Variants in PRIM2 observed in about 807,000 individuals in gnomAD.
The protein encoded by PRIM2 is DNA primase large subunit.
A neutral mutation model predicts 67.3 loss-of-function variants in PRIM2; 39 were observed. The observed-to-expected ratio is 0.58, with a 90% CI of 0.45 to 0.76. The LOEUF (loss-of-function observed/expected upper bound fraction) is 0.76. Ranked by LOEUF, PRIM2 falls within the 30% of genes least tolerant of loss-of-function variation. PRIM2 has a pLI of 0.00. For synonymous variants in PRIM2, 143 were observed against 198.7 expected (o/e 0.72, Z 2.36); for missense variants, 398 against 598.7 (o/e 0.66, Z 3.50).
intron 5 of PRIM2, among the ~76,000 whole-genome samples, chr6:57,370,379 G>A (rs1769503641): frequency 1.3e-5 from 2 of 152,154 alleles, no homozygotes; most frequent in Non-Finnish European, 2.9e-5. Flanking sequence ...TCAAAATAAT[G>A]AAGTTAATAG....
intron 5 of PRIM2, among the ~76,000 whole-genome samples, chr6:57,368,044 A>T (rs556215198): frequency 6.6e-6 from 1 of 152,222 alleles, no homozygotes; most frequent in East Asian, 1.9e-4. Flanking sequence ...TTATAATCAC[A>T]GTATTTGCTA....
At chr6:57,454,167 T>C in intron 7 of PRIM2, among the ~76,000 whole-genome samples, 1 of 152,226 alleles carries the variant, frequency 6.6e-6, no homozygotes, top group Non-Finnish European at 1.5e-5. Flanking sequence ...AGCTTTTTGA[T>C]GTGCTGCTGG....
chr6:57,269,251 C>G, the PRIM2 span, among the ~76,000 whole-genome samples: 2 of 151,908 alleles, frequency 1.3e-5, no homozygotes, highest in Non-Finnish European at 2.9e-5. Flanking sequence ...GTCCCACCAA[C>G]AGTGTAAAAG....
chr6:57,474,215 C>T (rs1277824856), intron 7 of PRIM2, among the ~76,000 whole-genome samples: 1 of 65,150 alleles, frequency 1.5e-5, no homozygotes, highest in Non-Finnish European at 2.7e-5. Context: ...AGCTCTGTCA[C>T]CCAGGCTGGA....
At chr6:57,402,997 A>G (rs1193608590) in intron 7 of PRIM2, among the ~76,000 whole-genome samples, 6 of 152,088 alleles carry the variant, frequency 3.9e-5, no homozygotes, top group African/African-American at 1.4e-4. Flanking sequence ...CTCCATATGT[A>G]TATGTATGTA....
At chr6:57,634,989 A>T (rs1777095002) in intron 13 of PRIM2, among the ~76,000 whole-genome samples, 1 of 152,186 alleles carries the variant, frequency 6.6e-6, no homozygotes, top group African/African-American at 2.4e-5. Context: ...AATTTAATTT[A>T]AAAATAGAAT....
At chr6:57,545,453 G>A (rs1463374811) in intron 10 of PRIM2, among the ~76,000 whole-genome samples, 1 of 152,020 alleles carries the variant, frequency 6.6e-6, no homozygotes, top group East Asian at 1.9e-4. Flanking sequence ...TTTTTGAGAT[G>A]GAGTTTCGCT....
chr6:57,558,122 G>A (rs1386120526), intron 10 of PRIM2, among the ~76,000 whole-genome samples: 8 of 152,134 alleles, frequency 5.3e-5, no homozygotes, highest in Non-Finnish European at 4.4e-5. Flanking sequence ...CAGCCTCTCT[G>A]GACTTAGTTT....
At chr6:57,605,969 TTATC>T (rs1413656198) in intron 11 of PRIM2, among the ~76,000 whole-genome samples, 1,614 of 152,344 alleles carry the variant, frequency 0.011, 38 homozygotes, top group South Asian at 0.077. Flanking sequence ...TTCATTTTGT[TTATC>T]TATCTTCCTT....
At chr6:57,569,211 G>A (rs1344916775) in intron 10 of PRIM2, among the ~76,000 whole-genome samples, 1,933 of 152,110 alleles carry the variant, frequency 0.013, 38 homozygotes, top group African/African-American at 0.044. Flanking sequence ...TGGGAGGAGC[G>A]GGGATAATGT....
chr6:57,323,867 T>C (rs1477442284), intron 3 of PRIM2, among the ~76,000 whole-genome samples: 3 of 151,120 alleles, frequency 2.0e-5, no homozygotes, highest in African/African-American at 4.9e-5. Flanking sequence ...AGAGTAGGAG[T>C]CTTGAAACCA....
At chr6:57,555,932 T>G (rs1433164651) in intron 10 of PRIM2, among the ~76,000 whole-genome samples, 1 of 152,204 alleles carries the variant, frequency 6.6e-6, no homozygotes, top group African/African-American at 2.4e-5. Flanking sequence ...TGGAAAGAAA[T>G]ATAATTTTCT....
rs547817566 is a variant in PRIM2 at position 57,398,377 on chromosome 6, T to C, written c.693+16209T>C. On this transcript the variant is annotated intron_variant, in intron 7 of 13. Transcript: ENST00000615550. ...TTTGCCCTCATTAGTTTAAAAGAACTTCTTAATTTCTGCCTTAATTTCATT... is the reference window on the plus strand; with the variant it reads ...TTTGCCCTCATTAGTTTAAAAGAACCTCTTAATTTCTGCCTTAATTTCATT... 9.8e-3 allele frequency among the ~76,000 whole-genome samples: 1,499 copies of C among 152,272 alleles called. 26 individuals are homozygous for C. The highest frequency in any genetic ancestry group is 0.034 in the African/African-American group (1,433 of 41,560).
intron 7 of PRIM2, among the ~76,000 whole-genome samples, chr6:57,497,268 G>A: frequency 6.6e-6 from 1 of 152,222 alleles, no homozygotes; most frequent in South Asian, 2.1e-4. Context: ...AGTTTGAGAG[G>A]CCTTGAGGAG....
chr6:57,486,614 A>G (rs1434234481), intron 7 of PRIM2, among the ~76,000 whole-genome samples: 1 of 152,256 alleles, frequency 6.6e-6, no homozygotes, highest in Non-Finnish European at 1.5e-5. Context: ...CACAGTGAAC[A>G]CATTCCTGAT....
At chr6:57,532,012 G>A (rs1444991372) in intron 8 of PRIM2, among the ~76,000 whole-genome samples, 4 of 152,256 alleles carry the variant, frequency 2.6e-5, no homozygotes, top group Admixed American at 2.6e-4. Context: ...CATACAGAGA[G>A]TAACTAAGTA....
intron 9 of PRIM2, among the ~76,000 whole-genome samples, chr6:57,536,969 G>A (rs1208942038): frequency 3.9e-5 from 6 of 152,068 alleles, no homozygotes; most frequent in Admixed American, 6.5e-5. Flanking sequence ...AATTTAATAC[G>A]GAAGTAAGTG....
chr6:57,352,789 G>A (rs1768900273), intron 5 of PRIM2, among the ~76,000 whole-genome samples: 1 of 151,780 alleles, frequency 6.6e-6, no homozygotes, highest in Admixed American at 6.6e-5. Flanking sequence ...GGGAGCCAAA[G>A]CACTGTACTA....
chr6:57,340,696 G>C (rs1242422783), intron 5 of PRIM2, among the ~76,000 whole-genome samples: 1 of 152,082 alleles, frequency 6.6e-6, no homozygotes, highest in Non-Finnish European at 1.5e-5. Context: ...TCACACTCTG[G>C]GGACTGTTGT....
Sources: gnomAD v4.1 joint callset for allele counts (sites outside exome capture counted in the v4.1 genomes callset) on GRCh38, gnomAD v4.1.1 for gene constraint, MANE v1.5 for transcripts, NCBI Gene and HGNC (gene_info 2026-07-23, HGNC 2026-07-21) for gene names.